RTTN: variants seen among roughly 807,000 people sequenced by gnomAD.
RTTN encodes the protein rotatin.
A neutral mutation model predicts 269.2 loss-of-function variants in RTTN; 182 were observed. That is an observed-to-expected ratio of 0.68 (90% CI 0.60 to 0.76). RTTN has a LOEUF of 0.76. Among genes scored for constraint, RTTN ranks in the 30% least tolerant of loss-of-function variants. The pLI is 0.00. For missense variants in RTTN, 2,545 were observed against 2,608.6 expected, an observed-to-expected ratio of 0.98 and a Z score of 0.53; for synonymous variants, 1,006 against 963.5, an observed-to-expected ratio of 1.04 and a Z score of -0.82.
chr18:70,086,694 TAAAAAAAAAAAAAAAAAAAAAAAAAAAA>T lies in RTTN; in HGVS notation c.4303-38_4303-11del, dbSNP rs531741265. 1.6e-4 allele frequency: 78 copies of T among 487,784 alleles called. 3 individuals carry two copies. The highest frequency in any genetic ancestry group is 2.6e-4 in the Admixed American group (6 of 23,204). 30.2% of individuals were successfully genotyped at this position (487,784 alleles called of 1,614,324 possible). A position where few individuals can be genotyped will look rare whatever the true frequency, so the allele number is the denominator to read the frequency against. ...GAAGAATAAATGCCGCCTGAAAATG[TAAAAAAAAAAAAAAAAAAAAAAAAAAAA>T]AAAAAAAAAAAGGTCAATACTGCCA... On this transcript the variant is annotated splice_polypyrimidine_tract_variant and intron_variant, in intron 31 of 48. Transcript: ENST00000640769.
rs765288284 is a variant in RTTN at position 70,109,549 on chromosome 18, A to C, written c.3852T>G (p.Pro1284=). 6.2e-7 allele frequency: 1 copy of C among 1,614,170 alleles called. No individual in the cohort carries two copies. ...CACAGATATCTAGAGGCTTTGTGAG[A>C]GGAGAGTGTGAGCTCCATCCCGGAA... ...TAFPGWSSHS[P]LTKPLDICVK... is the part of the protein sequence containing the mutation. The change falls in exon 28 of 49, where the codon CCT becomes CCG. Residue 1284 remains proline (P), a synonymous_variant. Transcript: ENST00000640769.
chr18:70,193,402 G>A lies in RTTN; in HGVS notation c.893C>T (p.Thr298Ile). 1 of 1,602,122 alleles carries A rather than the reference G, an allele frequency of 6.2e-7. No individual in the cohort carries two copies. Among genetic ancestry groups the A allele is most frequent in the African/African-American group, 1.4e-5 (1 of 74,028 alleles). ...TGGGGAAGGATTCTGGGAATGATGA[G>A]TACCTCTTGCTTCATGACAATAAGA... ...SLSYCHEARG[T>I]HHSQNPSPGS... Residue 298 changes from threonine (T) to isoleucine (I), a missense_variant, in exon 8 of 49, where the codon ACT (threonine) becomes ATT (isoleucine). Thr to Ile is a moderately conservative substitution (Grantham distance 89, BLOSUM62 -1). Coordinates refer to ENST00000640769, the MANE Select transcript of RTTN (RefSeq NM_173630.4).
chr18:70,033,547 C>T (rs1178097265), intron 40 of RTTN, among the ~76,000 whole-genome samples: 1 of 152,084 alleles, frequency 6.6e-6, no homozygotes, highest in East Asian at 1.9e-4. Flanking sequence ...TGATAACATA[C>T]CAGAATCTCT....
At chr18:70,100,478 G>T (rs978128754) in intron 28 of RTTN, among the ~76,000 whole-genome samples, 2 of 152,178 alleles carry the variant, frequency 1.3e-5, no homozygotes, top group South Asian at 2.1e-4. Context: ...GAGATTTTGG[G>T]CTGAGACGAT....
chr18:70,158,855 T>C (rs941276398), intron 14 of RTTN, among the ~76,000 whole-genome samples: 3 of 152,018 alleles, frequency 2.0e-5, no homozygotes, highest in Non-Finnish European at 2.9e-5. Context: ...AAGAAAGGCA[T>C]TACATAATGA....
intron 25 of RTTN, among the ~76,000 whole-genome samples, chr18:70,122,063 A>G (rs1022758358): frequency 6.6e-6 from 1 of 152,178 alleles, no homozygotes; most frequent in Admixed American, 6.5e-5. Context: ...TTCACTGATG[A>G]GAAGAATTAG....
intron 26 of RTTN, among the ~76,000 whole-genome samples, chr18:70,117,819 C>A (rs1164152451): frequency 6.6e-6 from 1 of 151,672 alleles, no homozygotes; most frequent in Admixed American, 6.6e-5. Context: ...CTAGAAGTCA[C>A]CAAAAGAAGG....
intron 15 of RTTN, 111 bp downstream of exon 15, chr18:70,150,496 CA>C: frequency 1.1e-6 from 1 of 948,374 alleles, no homozygotes; most frequent in East Asian, 2.5e-5. Context: ...GCACCAAAGA[CA>C]GGTTTCTTTT....
chr18:70,050,305 C>T (rs1013667826), intron 39 of RTTN, among the ~76,000 whole-genome samples: 9 of 151,938 alleles, frequency 5.9e-5, no homozygotes, highest in South Asian at 2.1e-4. Context: ...TTTATGCGGC[C>T]GACAAACATG....
chr18:70,143,293 T>C (rs1418598104), intron 18 of RTTN, among the ~76,000 whole-genome samples: 1 of 152,120 alleles, frequency 6.6e-6, no homozygotes, highest in Non-Finnish European at 1.5e-5. Flanking sequence ...GACACATGCA[T>C]GTGTATGTTC....
chr18:70,175,876 C>G (rs1248380492), intron 11 of RTTN, among the ~76,000 whole-genome samples: 4 of 152,090 alleles, frequency 2.6e-5, no homozygotes, highest in African/African-American at 7.2e-5. Context: ...TGTTTGTATT[C>G]TGTGTGTCAA....
At chr18:70,108,390 C>T (rs953623752) in intron 28 of RTTN, among the ~76,000 whole-genome samples, 7 of 151,934 alleles carry the variant, frequency 4.6e-5, no homozygotes, top group Admixed American at 1.3e-4. Flanking sequence ...CAAAATCACA[C>T]CAATGCAAAT....
At chr18:70,073,769 C>T in intron 34 of RTTN, 137 bp downstream of exon 34, 1 of 589,914 alleles carries the variant, frequency 1.7e-6, no homozygotes, top group East Asian at 3.1e-5. Context: ...AATAATTTAG[C>T]AAAATTCTGC....
intron 32 of RTTN, among the ~76,000 whole-genome samples, chr18:70,080,513 C>T (rs1182590308): frequency 6.6e-6 from 1 of 152,066 alleles, no homozygotes; most frequent in Non-Finnish European, 1.5e-5. Context: ...GATTATAGCC[C>T]ATTAAACAAA....
rs910403785 is a variant in RTTN, at chr18:70,042,627, C to T, written c.5541+5344G>A. ...TCCTGACCTCGTGATCCGCCCGCCT[C>T]AGCCTCCCAACGTGCTGGGATTACA... is the stretch of plus-strand genomic sequence containing the variant. On this transcript the variant is annotated intron_variant, in intron 40 of 48. Coordinates refer to ENST00000640769, the MANE Select transcript of RTTN (RefSeq NM_173630.4). Among the ~76,000 whole-genome samples the T allele has an allele frequency of 3.6e-4, 54 of 151,932 alleles. 1 individual carries two copies. Among genetic ancestry groups the T allele is most frequent in the East Asian group, 1.9e-4 (1 of 5,170 alleles).
chr18:70,179,248 T>C (rs1465147348), intron 10 of RTTN, among the ~76,000 whole-genome samples: 2 of 152,198 alleles, frequency 1.3e-5, no homozygotes, highest in African/African-American at 2.4e-5. Flanking sequence ...GACAGTCTTA[T>C]TATATTGACA....
chr18:70,164,439 C>T (rs2060933612), intron 14 of RTTN, among the ~76,000 whole-genome samples: 1 of 151,694 alleles, frequency 6.6e-6, no homozygotes, highest in African/African-American at 2.4e-5. Context: ...GTCTCAAACT[C>T]CTGGGCTCCA....
chr18:70,199,679 AAG>A (rs2146168254), intron 4 of RTTN, among the ~76,000 whole-genome samples, 175 bp from the exon 5 acceptor site: 1 of 152,376 alleles, frequency 6.6e-6, no homozygotes, highest in Admixed American at 6.5e-5. Flanking sequence ...CAGGATAAAT[AAG>A]AGAGTTCTCT....
Position 70,150,732 on chromosome 18 carries a change from TC to T in RTTN, c.1930del (p.Glu644AsnfsTer3). The part of the protein sequence containing the change: ...TYHCCLEITK[E>X]CLGVHNVTKP... ...AGTGACATTATGGACACCTAAACATTCCTGTAAAATAATATTAAAAAGTATT... is the reference window on the plus strand; with the variant it reads ...AGTGACATTATGGACACCTAAACATTCTGTAAAATAATATTAAAAAGTATT... On this transcript the variant is annotated frameshift_variant and splice_region_variant, in exon 15 of 49. Transcript: ENST00000640769. LOFTEE classifies it high-confidence loss of function. 6.4e-7 allele frequency: 1 copy of T among 1,569,256 alleles called. No individual in the cohort carries two copies. The highest frequency in any genetic ancestry group is 8.7e-7 in the Non-Finnish European group (1 of 1,155,332).
Sources: gnomAD v4.1 joint callset for allele counts (sites outside exome capture counted in the v4.1 genomes callset) on GRCh38, gnomAD v4.1.1 for gene constraint, MANE v1.5 for transcripts, NCBI Gene and HGNC (gene_info 2026-07-23, HGNC 2026-07-21) for gene names.